The following ANK2 variants were observed in gnomAD, a reference collection of about 807,000 sequenced individuals.
The protein encoded by ANK2 is ankyrin 2, also known as ankyrin-2.
ANK2 carries 83 observed loss-of-function variants against 360.5 expected under a neutral mutation model. The ratio of observed to expected loss-of-function variants is 0.23; its 90% confidence interval spans 0.19 to 0.28. ANK2 has a LOEUF of 0.28. Ranked by LOEUF, ANK2 falls within the 10% of genes least tolerant of loss-of-function variation. The pLI is 1.00. For missense variants in ANK2, 4,201 were observed against 4,795.7 expected (o/e 0.88, Z 3.66); for synonymous variants, 1,740 against 1,759.5 (o/e 0.99, Z 0.28).
At chr4:112,854,653 G>A (rs979620117) in intron 1 of ANK2, among the ~76,000 whole-genome samples, 1 of 152,192 alleles carries the variant, frequency 6.6e-6, no homozygotes, top group African/African-American at 2.4e-5. Flanking sequence ...GGCATTAAGG[G>A]TTCTAGCTTA....
chr4:113,035,803 A>G (rs1044838135), intron 2 of ANK2, among the ~76,000 whole-genome samples: 7 of 152,050 alleles, frequency 4.6e-5, no homozygotes, highest in African/African-American at 1.7e-4. Flanking sequence ...GGAATACCTA[A>G]AATGTGTTAA....
At chr4:112,983,361 T>G (rs2043729387) in intron 2 of ANK2, among the ~76,000 whole-genome samples, 1 of 150,118 alleles carries the variant, frequency 6.7e-6, no homozygotes, top group Admixed American at 6.7e-5. Flanking sequence ...GTGTATAGAC[T>G]TCTAACATTA....
chr4:113,375,332 T>C lies in ANK2; in HGVS notation c.11859+1883T>C, dbSNP rs1351444854. ...TGCTAGCCAGTCTTTTCAAATATAA[T>C]CTGTGATAGACATTAAAGAAAATTC... On this transcript the variant is annotated intron_variant, in intron 45 of 45. Coordinates refer to ENST00000357077, the MANE Select transcript of ANK2 (RefSeq NM_001148.6). Among the ~76,000 whole-genome samples the C allele has an allele frequency of 4.6e-5, 7 of 152,296 alleles. No individual in the cohort carries two copies. In the East Asian group the frequency reaches 1.3e-3, roughly 29 times the overall value.
chr4:113,248,819 C>T (rs1192539929), intron 9 of ANK2, among the ~76,000 whole-genome samples: 1 of 152,202 alleles, frequency 6.6e-6, no homozygotes, highest in African/African-American at 2.4e-5. Context: ...CCTTCTCCAC[C>T]TCTGTCCTTG....
chr4:113,198,562 A>C (rs953445666), intron 3 of ANK2, among the ~76,000 whole-genome samples: 11 of 152,272 alleles, frequency 7.2e-5, no homozygotes, highest in African/African-American at 2.4e-4. Flanking sequence ...AGTAGCTGCA[A>C]ACATAACTAT....
chr4:112,956,411 C>A (rs140888918), intron 2 of ANK2, among the ~76,000 whole-genome samples: 1 of 152,230 alleles, frequency 6.6e-6, no homozygotes, highest in East Asian at 1.9e-4. Context: ...TACAGCTTCT[C>A]TTTGTCACAC....
chr4:113,254,530 A>G (rs191716847), intron 10 of ANK2, among the ~76,000 whole-genome samples: 26 of 152,274 alleles, frequency 1.7e-4, no homozygotes, highest in African/African-American at 6.3e-4. Flanking sequence ...ACACTTTGCA[A>G]TTATCTTCCC....
the ANK2 span, among the ~76,000 whole-genome samples, chr4:112,712,194 C>G: frequency 6.7e-6 from 1 of 149,518 alleles, no homozygotes; most frequent in Admixed American, 6.7e-5. Context: ...GCTATTCTGC[C>G]TCAGACTCCC....
chr4:112,728,330 T>TA, the ANK2 span, among the ~76,000 whole-genome samples: 3 of 79,894 alleles, frequency 3.8e-5, no homozygotes, highest in East Asian at 8.0e-4. Context: ...AGAAAAGAAA[T>TA]ACAAAGGATC....
chr4:112,749,853 C>G, the ANK2 span, among the ~76,000 whole-genome samples: 1 of 152,038 alleles, frequency 6.6e-6, no homozygotes, highest in Non-Finnish European at 1.5e-5. Context: ...TCAAGCCACT[C>G]TCCTGCCTCA....
intron 1 of ANK2, among the ~76,000 whole-genome samples, chr4:112,864,775 G>C (rs923426890): frequency 1.3e-5 from 2 of 150,948 alleles, no homozygotes; most frequent in African/African-American, 2.4e-5. Context: ...GCTCAAGCCT[G>C]TAATACTAGC....
intron 1 of ANK2, among the ~76,000 whole-genome samples, chr4:113,140,904 G>A (rs1197843546): frequency 6.6e-6 from 1 of 152,052 alleles, no homozygotes; most frequent in African/African-American, 2.4e-5. Flanking sequence ...CTTGAACCCA[G>A]GAGGCGGAGG....
the ANK2 span, among the ~76,000 whole-genome samples, chr4:112,761,735 A>G: frequency 6.6e-6 from 1 of 152,228 alleles, no homozygotes; most frequent in Admixed American, 6.5e-5. Flanking sequence ...AATGCTTGTC[A>G]TCTTCCTCTA....
chr4:113,342,161 A>T (rs1220924140), intron 33 of ANK2, among the ~76,000 whole-genome samples: 1 of 152,182 alleles, frequency 6.6e-6, no homozygotes. Context: ...TTGAGGAAAA[A>T]TTATGAGTTA....
At chr4:112,883,600 T>G (rs1413210943) in intron 1 of ANK2, among the ~76,000 whole-genome samples, 1 of 152,120 alleles carries the variant, frequency 6.6e-6, no homozygotes, top group Non-Finnish European at 1.5e-5. Flanking sequence ...TTAAGGAATC[T>G]GTATTCATAC....
In ANK2 at chr4:112,873,265, C is replaced by T. The variant is rs371045830; in HGVS notation, c.-39-31190C>T. Among the ~76,000 whole-genome samples the T allele has an allele frequency of 1.4e-4, 21 of 151,458 alleles. No individual in the cohort carries two copies. The South Asian group carries it at 4.0e-3, about 29-fold the overall frequency. On this transcript the variant is annotated intron_variant, in intron 1 of 30. Coordinates refer to the ANK2 transcript ENST00000503271. ...CCTTCTGCTTGCTTTGGGCTTAGGT[C>T]GCTCTCCTTTTTCTATTTTTATAAG...
intron 1 of ANK2, among the ~76,000 whole-genome samples, chr4:112,882,652 C>A (rs574609307): frequency 1.5e-4 from 23 of 151,582 alleles, no homozygotes; most frequent in Admixed American, 4.6e-4. Context: ...AATGAATTAT[C>A]CAAATTAAAA....
chr4:112,932,013 T>A (rs1205007597), intron 2 of ANK2, among the ~76,000 whole-genome samples: 2 of 152,186 alleles, frequency 1.3e-5, no homozygotes, highest in African/African-American at 4.8e-5. Flanking sequence ...GCTCCTACTT[T>A]TAAGAACTAG....
At chr4:113,138,055 G>C (rs912098566) in intron 1 of ANK2, among the ~76,000 whole-genome samples, 2 of 152,146 alleles carry the variant, frequency 1.3e-5, no homozygotes, top group South Asian at 4.1e-4. Flanking sequence ...CCATTTTCCA[G>C]AGAGAACAAA....
Sources: gnomAD v4.1 joint callset for allele counts (sites outside exome capture counted in the v4.1 genomes callset) on GRCh38, gnomAD v4.1.1 for gene constraint, MANE v1.5 for transcripts, NCBI Gene and HGNC (gene_info 2026-07-23, HGNC 2026-07-21) for gene names.